Variants in ARHGAP8 observed in about 807,000 individuals in gnomAD.
The protein encoded by ARHGAP8 is Rho GTPase activating protein 8.
ARHGAP8 carries 62 observed loss-of-function variants against 46.1 expected under a neutral mutation model. That is an observed-to-expected ratio of 1.34 (90% confidence interval 1.10 to 1.66). The LOEUF (loss-of-function observed/expected upper bound fraction) is 1.66, where lower values mean the gene tolerates loss of function less well. ARHGAP8 is among the 40% of genes most tolerant of loss of function. The probability of loss-of-function intolerance (pLI) is 0.00; values close to 1 mark genes in which losing one functional copy is unlikely to be tolerated. For missense variants in ARHGAP8, 923 were observed against 568.4 expected (o/e 1.62, Z -6.34); for synonymous variants, 375 against 243.1 (o/e 1.54, Z -5.05).
At chr22:44,848,153 C>T in intron 9 of ARHGAP8, 103 bp downstream of exon 9, 1 of 1,480,822 alleles carries the variant, frequency 6.8e-7, no homozygotes, top group Non-Finnish European at 9.1e-7. Flanking sequence ...CCGCAACCCA[C>T]CCAACTCCCA....
chr22:44,771,242 A>ATTTTTT (rs368256843), intron 1 of ARHGAP8, among the ~76,000 whole-genome samples: 34 of 108,302 alleles, frequency 3.1e-4, no homozygotes, highest in Admixed American at 5.0e-4. Context: ...TTGCAAGTAA[A>ATTTTTT]TTTTTTTTTT....
At chr22:44,791,532 C>G (rs564188987) in intron 2 of ARHGAP8, among the ~76,000 whole-genome samples, 1 of 152,002 alleles carries the variant, frequency 6.6e-6, no homozygotes, top group African/African-American at 2.4e-5. Flanking sequence ...GGTGAAACCC[C>G]GTATGTACTA....
At chr22:44,813,750 TACAC>T (rs1406648735) in intron 4 of ARHGAP8, among the ~76,000 whole-genome samples, 11 of 150,600 alleles carry the variant, frequency 7.3e-5, no homozygotes, top group African/African-American at 2.5e-4. Flanking sequence ...CACACCTACA[TACAC>T]ACCTATATAC....
chr22:44,862,746 T>C lies in ARHGAP8; in HGVS notation c.*151T>C. The C allele has an allele frequency of 6.5e-6, 6 of 930,158 alleles. No homozygotes were observed. The highest frequency in any genetic ancestry group is 7.7e-6 in the Non-Finnish European group (5 of 652,820). The allele number at this position is 930,158 out of a possible 1,614,324, so 57.6% of individuals were successfully genotyped here. A position where few individuals can be genotyped will look rare whatever the true frequency, so the allele number is the denominator to read the frequency against. On this transcript the variant is annotated 3_prime_UTR_variant, in exon 12 of 12. Coordinates refer to ENST00000356099, the MANE Select transcript of ARHGAP8 (RefSeq NM_181335.3). ...CTCCATGCCTCTGGTCCTTGGACTC[T>C]TGTCCATGGTTCCTGAGCTGTGGAC...
intron 11 of ARHGAP8, among the ~76,000 whole-genome samples, chr22:44,861,397 C>T (rs1001962640): frequency 6.6e-6 from 1 of 152,180 alleles, no homozygotes; most frequent in Non-Finnish European, 1.5e-5. Context: ...CTGGGGGCCT[C>T]GGCTTGAGGA....
At chr22:44,846,015 C>G (rs573856161) in intron 8 of ARHGAP8, among the ~76,000 whole-genome samples, 1 of 152,064 alleles carries the variant, frequency 6.6e-6, no homozygotes, top group African/African-American at 2.4e-5. Flanking sequence ...GTGAGTGCCC[C>G]CCCCCATCCC....
At chr22:44,827,487 C>T (rs536636176) in intron 7 of ARHGAP8, among the ~76,000 whole-genome samples, 7 of 151,930 alleles carry the variant, frequency 4.6e-5, no homozygotes, top group African/African-American at 1.7e-4. Flanking sequence ...GGATTATAGG[C>T]GCCCACCGCC....
Position 44,860,572 on chromosome 22 carries a change from C to T in ARHGAP8, c.981+738C>T, listed in dbSNP as rs1393147421. Among the ~76,000 whole-genome samples, 19 of 152,124 alleles carry T rather than the reference C, an allele frequency of 1.2e-4. No individual in the cohort carries two copies. The East Asian group carries it at 3.5e-3, about 28-fold the overall frequency. ...CCTCAACGACAGCTGCAACGGCCCTCGTTCCAAATAAGGTCACAGTCAGAT... is the reference window on the plus strand; with the variant it reads ...CCTCAACGACAGCTGCAACGGCCCTTGTTCCAAATAAGGTCACAGTCAGAT... On this transcript the variant is annotated intron_variant, in intron 11 of 11. Transcript: ENST00000356099.
At chr22:44,857,420 T>C (rs1296697785) in intron 10 of ARHGAP8, among the ~76,000 whole-genome samples, 2 of 152,084 alleles carry the variant, frequency 1.3e-5, no homozygotes, top group Non-Finnish European at 2.9e-5. Flanking sequence ...CCCTGTTGCT[T>C]GGACTAACAA....
At position 44,822,422 on chromosome 22, in the gene ARHGAP8, C is replaced by T. The variant is rs142047597; in HGVS notation, c.438C>T (p.His146=). Reference sequence around the variant, plus strand: ...ATTTCAACTACCTGAGTGAGCTCCACGAACACCTTAAATACGACCAGCTGG... The same window carrying T: ...ATTTCAACTACCTGAGTGAGCTCCATGAACACCTTAAATACGACCAGCTGG... ...VIYFNYLSEL[H]EHLKYDQLVI... is the part of the protein sequence containing the mutation. Residue 146 remains histidine, a synonymous_variant, in exon 6 of 12, where the codon CAC becomes CAT. Transcript: ENST00000356099. 29 of 1,578,284 alleles carry T rather than the reference C, an allele frequency of 1.8e-5. No individual in the cohort carries two copies. Among genetic ancestry groups the T allele is most frequent in the East Asian group, 7.1e-5 (3 of 42,534 alleles).
intron 1 of ARHGAP8, among the ~76,000 whole-genome samples, chr22:44,778,262 T>C (rs961702394): frequency 2.6e-5 from 4 of 152,168 alleles, no homozygotes; most frequent in Non-Finnish European, 2.9e-5. Context: ...CTCCCACTTA[T>C]GAGAACGTAA....
At chr22:44,776,134 A>G (rs1269860216) in intron 1 of ARHGAP8, among the ~76,000 whole-genome samples, 1 of 152,184 alleles carries the variant, frequency 6.6e-6, no homozygotes, top group Non-Finnish European at 1.5e-5. Flanking sequence ...CTGCTTCCAG[A>G]GGCTTCTGTA....
intron 5 of ARHGAP8, among the ~76,000 whole-genome samples, chr22:44,820,168 C>T (rs908899845): frequency 3.9e-5 from 6 of 152,242 alleles, no homozygotes; most frequent in South Asian, 2.1e-4. Context: ...CTCTGCCGCA[C>T]GCCGTGTTGG....
Position 44,862,394 on chromosome 22 carries a change from C to G in ARHGAP8, c.1101C>G (p.Asn367Lys). 1 of 1,614,164 alleles carries G rather than the reference C, an allele frequency of 6.2e-7. No individual in the cohort carries two copies. The highest frequency in any genetic ancestry group is 8.5e-7 in the Non-Finnish European group (1 of 1,179,996). The part of the protein sequence containing the change: ...VSSLSALVPL[N>K]MFTELLIEYY... ...CCCTGAGTGCCCTTGTGCCCCTGAA[C>G]ATGTTCACTGAACTGCTGATCGAGT... is the stretch of plus-strand genomic sequence containing the variant. Residue 367 changes from asparagine to lysine, a missense_variant, in exon 12 of 12, where the codon AAC (asparagine) becomes AAG (lysine). Coordinates refer to ENST00000356099, the MANE Select transcript of ARHGAP8 (RefSeq NM_181335.3).
At chr22:44,754,114 T>C (rs1299969434) in intron 1 of ARHGAP8, among the ~76,000 whole-genome samples, 3 of 152,034 alleles carry the variant, frequency 2.0e-5, no homozygotes, top group African/African-American at 7.3e-5. Context: ...GGGCCCAGAG[T>C]CTGGCTTCTG....
At chr22:44,768,974 A>G (rs1488357384) in intron 1 of ARHGAP8, among the ~76,000 whole-genome samples, 1 of 151,586 alleles carries the variant, frequency 6.6e-6, no homozygotes, top group Admixed American at 6.6e-5. Context: ...AGCTGGGATT[A>G]CACGTGTGCA....
chr22:44,830,477 C>T (rs1349241847), intron 7 of ARHGAP8, among the ~76,000 whole-genome samples: 1 of 151,720 alleles, frequency 6.6e-6, no homozygotes, highest in East Asian at 1.9e-4. Flanking sequence ...ATTACAGGTG[C>T]CTGCCACCAT....
chr22:44,778,511 A>G (rs1034950646), intron 1 of ARHGAP8, among the ~76,000 whole-genome samples: 40 of 152,144 alleles, frequency 2.6e-4, no homozygotes, highest in Admixed American at 2.2e-3. Flanking sequence ...TCTTTTTTGT[A>G]TAATGACTTA....
intron 10 of ARHGAP8, among the ~76,000 whole-genome samples, chr22:44,856,000 G>T (rs542388970): frequency 1.3e-5 from 2 of 152,108 alleles, no homozygotes; most frequent in Admixed American, 6.5e-5. Flanking sequence ...CACGCAGTGC[G>T]AGTGGGAGCA....
Sources: gnomAD v4.1 joint callset for allele counts (sites outside exome capture counted in the v4.1 genomes callset) on GRCh38, gnomAD v4.1.1 for gene constraint, MANE v1.5 for transcripts, NCBI Gene and HGNC (gene_info 2026-07-23, HGNC 2026-07-21) for gene names.